Variants in PACSIN1 observed in about 807,000 individuals in gnomAD.
PACSIN1 encodes the protein protein kinase C and casein kinase substrate in neurons protein 1.
PACSIN1 carries 15 observed loss-of-function variants against 59.5 expected under a neutral mutation model. The ratio of observed to expected loss-of-function variants is 0.25; its 90% CI spans 0.17 to 0.39. PACSIN1 has a LOEUF of 0.39. Ranked by LOEUF, PACSIN1 falls within the 10% of genes least tolerant of loss-of-function variation. The pLI, the probability that PACSIN1 is intolerant of heterozygous loss-of-function variation, is 1.00. For synonymous variants in PACSIN1, 210 were observed against 220.6 expected, an observed-to-expected ratio of 0.95 and a Z score of 0.42; for missense variants, 420 against 580.2, an observed-to-expected ratio of 0.72 and a Z score of 2.84.
At chr6:34,483,020 T>TC (rs1766743240) in intron 1 of PACSIN1, among the ~76,000 whole-genome samples, 1 of 150,084 alleles carries the variant, frequency 6.7e-6, no homozygotes, top group South Asian at 2.1e-4. Context: ...TTTTTTTTTT[T>TC]TGAAACAAGG....
chr6:34,466,813 C>T (rs528005424), intron 1 of PACSIN1, among the ~76,000 whole-genome samples: 2 of 152,278 alleles, frequency 1.3e-5, no homozygotes, highest in South Asian at 4.1e-4. Context: ...GCTAAAAGGC[C>T]CCGCAGATAC....
intron 1 of PACSIN1, among the ~76,000 whole-genome samples, chr6:34,480,129 A>G (rs1248741028): frequency 6.6e-6 from 1 of 150,606 alleles, no homozygotes; most frequent in Non-Finnish European, 1.5e-5. Context: ...CCTGGCAACT[A>G]AAGTTTGTTC....
rs765698316 is a variant in PACSIN1, at chr6:34,530,221, T to A, written c.789-22T>A. The A allele has an allele frequency of 6.3e-7, 1 of 1,595,880 alleles. No homozygotes were observed. Among genetic ancestry groups the A allele is most frequent in the Non-Finnish European group, 8.6e-7 (1 of 1,167,564 alleles). On this transcript the variant is annotated intron_variant, in intron 6 of 9. Coordinates refer to ENST00000244458, the MANE Select transcript of PACSIN1 (RefSeq NM_020804.5). This position sits in a 1 kb window ranked among gnomAD's most constrained non-coding sequence, Gnocchi z 4.4. ...CCATGTTGAATCTGTGCCCTCCACC[T>A]CCCCCATCTCCCTGAGCACAGCTAC...
intron 1 of PACSIN1, among the ~76,000 whole-genome samples, chr6:34,495,746 C>T (rs1003357611): frequency 5.9e-5 from 9 of 152,214 alleles, no homozygotes; most frequent in African/African-American, 2.2e-4. Flanking sequence ...AGCCACCGTG[C>T]CCAGCCAGGA....
chr6:34,483,150 G>A (rs555420963), intron 1 of PACSIN1, among the ~76,000 whole-genome samples: 9 of 152,024 alleles, frequency 5.9e-5, no homozygotes, highest in South Asian at 2.1e-4. Flanking sequence ...GACTACAGGC[G>A]TGAGCAACCA....
Position 34,487,004 on chromosome 6 carries a change from C to CAA in PACSIN1, c.-64+20749_-64+20750dup, listed in dbSNP as rs3042080. On this transcript the variant is annotated intron_variant, in intron 1 of 9. Coordinates refer to ENST00000244458, the MANE Select transcript of PACSIN1 (RefSeq NM_020804.5). ...CAACATGGCGAAACCCCATCTCTAC[C>CAA]AAAAAAAAAAAAAAAATTAGGTGGC... Among the ~76,000 whole-genome samples, 443 of 133,908 alleles carry CAA rather than the reference C, an allele frequency of 3.3e-3. 5 individuals are homozygous for CAA. Among genetic ancestry groups the CAA allele is most frequent in the African/African-American group, 0.011 (403 of 35,528 alleles). The allele number at this position is 133,908 out of a possible 152,430, so 87.8% of individuals were successfully genotyped here.
intron 1 of PACSIN1, among the ~76,000 whole-genome samples, chr6:34,472,271 C>CAAA (rs61560626): frequency 2.3e-3 from 177 of 78,124 alleles, no homozygotes; most frequent in Middle Eastern, 7.9e-3. Context: ...GACTCTGTCT[C>CAAA]AAAAAAAAAA....
chr6:34,475,580 T>C (rs1275825484), intron 1 of PACSIN1, among the ~76,000 whole-genome samples: 4 of 152,188 alleles, frequency 2.6e-5, no homozygotes, highest in African/African-American at 7.2e-5. Flanking sequence ...GTGGTCATTG[T>C]CTGCAAGCTG....
At chr6:34,477,979 CT>C (rs1488718724) in intron 1 of PACSIN1, among the ~76,000 whole-genome samples, 1 of 149,570 alleles carries the variant, frequency 6.7e-6, no homozygotes, top group African/African-American at 2.5e-5. Context: ...TCTTCAACTC[CT>C]GGGCTCAAGC....
intron 3 of PACSIN1, 98 bp from the exon 4 acceptor site, chr6:34,528,544 C>T: frequency 1.1e-6 from 1 of 886,112 alleles, no homozygotes; most frequent in African/African-American, 1.6e-5. Context: ...ATTTCTGTTG[C>T]TATGAGAGGA....
At chr6:34,522,331 A>G (rs1267593889) in intron 1 of PACSIN1, among the ~76,000 whole-genome samples, 1 of 152,228 alleles carries the variant, frequency 6.6e-6, no homozygotes, top group Non-Finnish European at 1.5e-5. Context: ...GGCACACATA[A>G]AGCATCTACA....
At chr6:34,527,931 A>G (rs1207507369) in intron 3 of PACSIN1, among the ~76,000 whole-genome samples, 1 of 152,242 alleles carries the variant, frequency 6.6e-6, no homozygotes, top group African/African-American at 2.4e-5. Context: ...ACCAGAGTTC[A>G]GCTATCAAAT....
chr6:34,527,327 G>T lies in PACSIN1; in HGVS notation c.64-5G>T, dbSNP rs199949546. 2.6e-6 allele frequency: 4 copies of T among 1,560,308 alleles called. No individual in the cohort carries two copies. In the South Asian group the frequency reaches 3.5e-5, roughly 14 times the overall value. On this transcript the variant is annotated splice_polypyrimidine_tract_variant and splice_region_variant and intron_variant, in intron 2 of 9. Transcript: ENST00000244458. ...CGGGAGTGGTGCTCGCTGCTTGGCC[G>T]CCAGGTGGGGAACTACAAGCGGACC...
At chr6:34,478,369 C>CTTTTTTTTTTT (rs35124068) in intron 1 of PACSIN1, among the ~76,000 whole-genome samples, 2 of 67,888 alleles carry the variant, frequency 2.9e-5, no homozygotes, top group African/African-American at 6.3e-5. Context: ...TATTTATCTT[C>CTTTTTTTTTTT]TTTTTTTTTT....
At chr6:34,489,563 C>T (rs1291760483) in intron 1 of PACSIN1, among the ~76,000 whole-genome samples, 1 of 152,166 alleles carries the variant, frequency 6.6e-6, no homozygotes, top group Non-Finnish European at 1.5e-5. Flanking sequence ...CATAGTAGCT[C>T]TTGCCCCGCA....
rs1767287467 is a variant in PACSIN1 at position 34,516,118 on chromosome 6, T to C, written c.-63-10125T>C. ...GGGCGTGCTTAAGGTCCTGCCCTTC[T>C]CCACCTGCTTTCTCTCCCGCACCCC... is the stretch of plus-strand genomic sequence containing the variant. On this transcript the variant is annotated intron_variant, in intron 1 of 9. Coordinates refer to ENST00000244458, the MANE Select transcript of PACSIN1 (RefSeq NM_020804.5). This position sits in a 1 kb window ranked among gnomAD's most constrained non-coding sequence, Gnocchi z 5.4. 6.6e-6 allele frequency among the ~76,000 whole-genome samples: 1 copy of C among 152,166 alleles called. No individual in the cohort carries two copies. The highest frequency in any genetic ancestry group is 2.1e-4 in the South Asian group (1 of 4,834).
intron 2 of PACSIN1, 55 bp downstream of exon 2, chr6:34,526,423 G>A (rs1021407145): frequency 2.7e-6 from 4 of 1,469,632 alleles, no homozygotes; most frequent in Non-Finnish European, 3.8e-6. Context: ...CTGTTTGGAG[G>A]CCAGGCTCCC....
Position 34,529,643 on chromosome 6 carries a change from T to C in PACSIN1, c.613-23T>C. 1 of 1,612,856 alleles carries C rather than the reference T, an allele frequency of 6.2e-7. No homozygotes were observed. The highest frequency in any genetic ancestry group is 8.5e-7 in the Non-Finnish European group (1 of 1,179,038). ...CTGCAGGCCTGGCTAGGTGTCACCC[T>C]CTCTCCACTCTGGTGCCCACAGACA... is the stretch of plus-strand genomic sequence containing the variant. On this transcript the variant is annotated intron_variant, in intron 5 of 9. Transcript: ENST00000244458. The surrounding 1 kb of genome is among the most constrained non-coding windows in gnomAD (Gnocchi z 6.3).
chr6:34,481,132 A>G (rs1481180234), intron 1 of PACSIN1, among the ~76,000 whole-genome samples: 2 of 151,282 alleles, frequency 1.3e-5, no homozygotes, highest in Admixed American at 6.6e-5. Context: ...TGCAACCTCC[A>G]CCTCCCTGGG....
Sources: allele counts gnomAD v4.1 joint callset (sites outside exome capture counted in the v4.1 genomes callset), GRCh38; gene constraint gnomAD v4.1.1; non-coding constraint Gnocchi (gnomAD v3.1); transcripts MANE v1.5; gene names NCBI Gene and HGNC (gene_info 2026-07-23, HGNC 2026-07-21).